DCC: variants seen among roughly 807,000 people sequenced by gnomAD.
The protein encoded by DCC is netrin receptor DCC.
DCC carries 58 observed loss-of-function variants against 172.5 expected under a neutral mutation model. The ratio of observed to expected loss-of-function variants is 0.34; its 90% CI spans 0.27 to 0.42. The LOEUF (loss-of-function observed/expected upper bound fraction) is 0.42. Ranked by LOEUF, DCC falls within the 10% of genes least tolerant of loss-of-function variation. The probability of loss-of-function intolerance (pLI) is 1.00; values close to 1 mark genes in which losing one functional copy is unlikely to be tolerated. For synonymous variants in DCC, 709 were observed against 644.5 expected, an observed-to-expected ratio of 1.10 and a Z score of -1.52; for missense variants, 1,740 against 1,791.0, an observed-to-expected ratio of 0.97 and a Z score of 0.51.
intron 1 of DCC, among the ~76,000 whole-genome samples, chr18:52,638,364 T>C (rs1304860703): frequency 6.6e-6 from 1 of 151,774 alleles, no homozygotes; most frequent in African/African-American, 2.4e-5. Context: ...TGAATGTAAA[T>C]GGCTTAAATG....
intron 1 of DCC, among the ~76,000 whole-genome samples, chr18:52,660,552 TG>T (rs1437920201): frequency 2.0e-5 from 3 of 152,164 alleles, no homozygotes; most frequent in Non-Finnish European, 2.9e-5. Flanking sequence ...TAGAGTCCCC[TG>T]GGGTCAAGGT....
chr18:53,045,685 A>G (rs2042228698), intron 5 of DCC, among the ~76,000 whole-genome samples: 1 of 151,902 alleles, frequency 6.6e-6, no homozygotes, highest in South Asian at 2.1e-4. Flanking sequence ...CTGCTGTTAA[A>G]CATGCACTAG....
chr18:52,666,996 CT>C (rs1404715422), intron 1 of DCC, among the ~76,000 whole-genome samples: 2 of 151,894 alleles, frequency 1.3e-5, no homozygotes, highest in African/African-American at 4.8e-5. Context: ...AAATTGAATT[CT>C]GTAAAAGTTA....
At chr18:53,324,712 T>C (rs2057448288) in intron 14 of DCC, among the ~76,000 whole-genome samples, 1 of 152,264 alleles carries the variant, frequency 6.6e-6, no homozygotes, top group African/African-American at 2.4e-5. Context: ...TAATTTGTCT[T>C]ATGTAAAAAA....
chr18:53,115,914 G>T (rs2043402187), intron 7 of DCC, among the ~76,000 whole-genome samples: 1 of 151,298 alleles, frequency 6.6e-6, no homozygotes, highest in African/African-American at 2.4e-5. Context: ...CAATAATCTC[G>T]AGAATATATG....
intron 19 of DCC, among the ~76,000 whole-genome samples, chr18:53,405,917 A>T (rs972199667): frequency 6.6e-6 from 1 of 152,188 alleles, no homozygotes; most frequent in East Asian, 1.9e-4. Flanking sequence ...TAATTATTAC[A>T]CTATGTTTTG....
chr18:53,138,493 G>A (rs543224877), intron 7 of DCC, among the ~76,000 whole-genome samples: 39 of 152,210 alleles, frequency 2.6e-4, no homozygotes, highest in African/African-American at 9.4e-4. Flanking sequence ...CTGAAGAAAA[G>A]GTGTTAATGA....
chr18:52,575,420 T>C (rs1387496310), intron 1 of DCC, among the ~76,000 whole-genome samples: 1 of 152,204 alleles, frequency 6.6e-6, no homozygotes, highest in Non-Finnish European at 1.5e-5. Flanking sequence ...CGTTATTCAC[T>C]GCATTTACGT....
At chr18:52,749,639 A>G (rs1027631694) in intron 1 of DCC, among the ~76,000 whole-genome samples, 1 of 152,060 alleles carries the variant, frequency 6.6e-6, no homozygotes, top group African/African-American at 2.4e-5. Flanking sequence ...AAGTTGATCT[A>G]TGTACTCACA....
intron 26 of DCC, among the ~76,000 whole-genome samples, chr18:53,494,540 G>T (rs1283256864): frequency 6.6e-6 from 1 of 152,196 alleles, no homozygotes; most frequent in African/African-American, 2.4e-5. Flanking sequence ...TCTTCTTGTT[G>T]CATTGATCCC....
chr18:53,192,772 G>A (rs952580399), intron 9 of DCC, among the ~76,000 whole-genome samples: 1 of 152,166 alleles, frequency 6.6e-6, no homozygotes, highest in African/African-American at 2.4e-5. Flanking sequence ...TCTGTATACA[G>A]TGAACTGCCT....
chr18:52,548,247 A>T (rs540988894), intron 1 of DCC, among the ~76,000 whole-genome samples: 1 of 152,222 alleles, frequency 6.6e-6, no homozygotes, highest in East Asian at 1.9e-4. Context: ...TTTCTTAACC[A>T]TCCTTAATAT....
intron 27 of DCC, among the ~76,000 whole-genome samples, chr18:53,522,237 A>G (rs1267529122): frequency 2.0e-5 from 3 of 151,952 alleles, no homozygotes; most frequent in African/African-American, 4.8e-5. Context: ...TGGGTTTACA[A>G]TTAAGATGGC....
chr18:53,144,449 C>T (rs1047992540), intron 7 of DCC, among the ~76,000 whole-genome samples: 3 of 152,146 alleles, frequency 2.0e-5, no homozygotes, highest in Non-Finnish European at 2.9e-5. Context: ...GAGCACGGGA[C>T]ATCTTACATG....
intron 7 of DCC, among the ~76,000 whole-genome samples, chr18:53,136,131 T>C (rs1014922520): frequency 9.9e-5 from 15 of 151,442 alleles, no homozygotes; most frequent in Non-Finnish European, 1.9e-4. Context: ...AAAAAAAAAA[T>C]TGGATGTGTG....
intron 5 of DCC, among the ~76,000 whole-genome samples, chr18:52,997,419 G>A (rs1330296274): frequency 6.6e-6 from 1 of 152,064 alleles, no homozygotes; most frequent in Non-Finnish European, 1.5e-5. Flanking sequence ...CTAAAATATG[G>A]TTTGAAATTA....
chr18:52,952,560 T>A (rs1746753969), intron 5 of DCC, among the ~76,000 whole-genome samples: 1 of 152,198 alleles, frequency 6.6e-6, no homozygotes, highest in South Asian at 2.1e-4. Flanking sequence ...CTGCATTCAT[T>A]GTATGAAAAG....
intron 1 of DCC, among the ~76,000 whole-genome samples, chr18:52,576,086 C>A (rs771057739): frequency 6.6e-6 from 1 of 151,976 alleles, no homozygotes; most frequent in Non-Finnish European, 1.5e-5. Flanking sequence ...AAGATTTTTG[C>A]GGCATGAGGT....
intron 5 of DCC, among the ~76,000 whole-genome samples, chr18:52,973,365 G>A (rs2145590277): frequency 6.6e-6 from 1 of 152,094 alleles, no homozygotes; most frequent in East Asian, 1.9e-4. Flanking sequence ...AGTTTATTAA[G>A]TTGTACTAAA....
Sources: gnomAD v4.1 joint callset for allele counts (sites outside exome capture counted in the v4.1 genomes callset) on GRCh38, gnomAD v4.1.1 for gene constraint, MANE v1.5 for transcripts, NCBI Gene and HGNC (gene_info 2026-07-23, HGNC 2026-07-21) for gene names.